SLC2A14: variants seen among roughly 807,000 people sequenced by gnomAD.
The protein encoded by SLC2A14 is solute carrier family 2, facilitated glucose transporter member 14.
A neutral mutation model predicts 43.0 loss-of-function variants in SLC2A14; 13 were observed. The ratio of observed to expected loss-of-function variants is 0.30; its 90% CI spans 0.20 to 0.48. The LOEUF (loss-of-function observed/expected upper bound fraction) is 0.48. SLC2A14 is among the 20% of genes least tolerant of loss of function. The pLI is 0.99. For synonymous variants in SLC2A14, 190 were observed against 233.8 expected (o/e 0.81, Z 1.71); for missense variants, 428 against 620.4 (o/e 0.69, Z 3.29).
chr12:7,826,814 C>CTTTT (rs1433806990), intron 7 of SLC2A14, among the ~76,000 whole-genome samples: 8 of 146,026 alleles, frequency 5.5e-5, no homozygotes, highest in Non-Finnish European at 1.2e-4. Context: ...CAGGCTCGCT[C>CTTTT]TTTTTTCTTT....
intron 2 of SLC2A14, among the ~76,000 whole-genome samples, chr12:7,854,481 G>GT (rs1402528128): frequency 2.0e-5 from 3 of 151,954 alleles, no homozygotes; most frequent in Non-Finnish European, 4.4e-5. Flanking sequence ...CTTTTCTTTT[G>GT]TTTTTTGTTT....
At position 7,842,315 on chromosome 12, in the gene SLC2A14, G is replaced by A. The variant is rs369885309; in HGVS notation, c.19-9501C>T. Among the ~76,000 whole-genome samples the A allele has an allele frequency of 5.9e-5, 9 of 152,066 alleles. No homozygotes were observed. The South Asian group carries it at 6.2e-4, about 11-fold the overall frequency. On this transcript the variant is annotated intron_variant, in intron 2 of 10. Coordinates refer to ENST00000431042, the MANE Select transcript of SLC2A14 (RefSeq NM_001286234.2). ...CATCTTGGTAAGTTTTAGCAACTAC[G>A]AATAAAACTGCTCTAAACATTCGTT... is the stretch of plus-strand genomic sequence containing the variant.
intron 1 of SLC2A14, among the ~76,000 whole-genome samples, chr12:7,880,999 C>T (rs1945560803): frequency 1.3e-5 from 2 of 152,078 alleles, no homozygotes; most frequent in Non-Finnish European, 2.9e-5. Context: ...AATTAACTGG[C>T]GTGGTGGCAG....
rs760464667 is a variant in SLC2A14 at position 7,882,866 on chromosome 12, G to C, written c.132+8130C>G. On this transcript the variant is annotated intron_variant, in intron 1 of 9. Coordinates refer to the SLC2A14 transcript ENST00000539924. ...TTTGCTTGAGACTTGTTCACCACTT[G>C]GAAGTTGTTTCTCAATTCAAGTTTA... Among the ~76,000 whole-genome samples the C allele has an allele frequency of 9.5e-4, 136 of 143,774 alleles. 1 individual carries two copies. Among genetic ancestry groups the C allele is most frequent in the African/African-American group, 3.4e-3 (133 of 39,054 alleles). 94.3% of individuals were successfully genotyped at this position (143,774 alleles called of 152,430 possible).
At chr12:7,880,894 C>T (rs1201288514) in intron 1 of SLC2A14, among the ~76,000 whole-genome samples, 1 of 151,896 alleles carries the variant, frequency 6.6e-6, no homozygotes, top group African/African-American at 2.4e-5. Flanking sequence ...AATCCCAGCA[C>T]TTTGCCAGGC....
chr12:7,876,544 CA>C (rs1945467321), upstream of SLC2A14, among the ~76,000 whole-genome samples: 1 of 151,872 alleles, frequency 6.6e-6, no homozygotes, highest in Non-Finnish European at 1.5e-5. Flanking sequence ...GAAGATTCCT[CA>C]AAAAATTAAA....
At chr12:7,851,031 G>A (rs1031548512) in intron 2 of SLC2A14, among the ~76,000 whole-genome samples, 3 of 152,152 alleles carry the variant, frequency 2.0e-5, no homozygotes, top group African/African-American at 7.2e-5. Flanking sequence ...GCTTTCTGGA[G>A]AGAAACACCC....
chr12:7,815,733 A>C (rs1290840113), intron 10 of SLC2A14, among the ~76,000 whole-genome samples: 1 of 145,160 alleles, frequency 6.9e-6, no homozygotes, highest in Non-Finnish European at 1.5e-5. Context: ...TGCACCACCA[A>C]ACCTGGCAAA....
At chr12:7,844,908 T>C (rs1392766023) in intron 2 of SLC2A14, among the ~76,000 whole-genome samples, 1 of 152,160 alleles carries the variant, frequency 6.6e-6, no homozygotes, top group Admixed American at 6.6e-5. Flanking sequence ...ATTTTAATAA[T>C]CTTTTTATCC....
chr12:7,816,618 C>T (rs2120651489), intron 10 of SLC2A14, among the ~76,000 whole-genome samples: 1 of 151,512 alleles, frequency 6.6e-6, no homozygotes, highest in East Asian at 2.0e-4. Flanking sequence ...AATCCCAGCA[C>T]TTTGGGAGGC....
upstream of SLC2A14, among the ~76,000 whole-genome samples, chr12:7,874,818 A>ATATATAAATAATATATAAATACGTATT (rs1565584749): frequency 3.2e-5 from 4 of 123,480 alleles, no homozygotes; most frequent in Admixed American, 9.3e-5. Context: ...ATACGTATTT[A>ATATATAAATAATATATAAATACGTATT]TATATAAATT....
intron 2 of SLC2A14, chr12:7,863,512 A>G (rs1944724746): frequency 4.8e-6 from 2 of 414,180 alleles, no homozygotes; most frequent in Non-Finnish European, 4.8e-6. Flanking sequence ...CTGTAGTCCC[A>G]GCTACCTGGG....
chr12:7,876,936 T>C (rs1361357814), upstream of SLC2A14, among the ~76,000 whole-genome samples: 2 of 152,164 alleles, frequency 1.3e-5, no homozygotes, highest in East Asian at 1.9e-4. Flanking sequence ...CTTATTTCAA[T>C]TAGCATGATA....
At chr12:7,885,055 G>GTA (rs1159482139) in intron 1 of SLC2A14, among the ~76,000 whole-genome samples, 1 of 152,014 alleles carries the variant, frequency 6.6e-6, no homozygotes, top group Non-Finnish European at 1.5e-5. Context: ...TTAGAATTTG[G>GTA]TATACATAGT....
At chr12:7,838,404 A>G (rs116719670) in intron 2 of SLC2A14, among the ~76,000 whole-genome samples, 2,856 of 152,214 alleles carry the variant, frequency 0.019, 82 homozygotes, top group African/African-American at 0.065. Context: ...TTTTTAAAAA[A>G]TGGAATTTGC....
At chr12:7,859,350 A>T (rs1242178597) in intron 2 of SLC2A14, among the ~76,000 whole-genome samples, 1 of 152,114 alleles carries the variant, frequency 6.6e-6, no homozygotes, top group Non-Finnish European at 1.5e-5. Context: ...AGATGGTGCC[A>T]CTGCACTCCA....
At chr12:7,814,843 A>T (rs1048172688) in intron 10 of SLC2A14, among the ~76,000 whole-genome samples, 2 of 151,942 alleles carry the variant, frequency 1.3e-5, no homozygotes, top group African/African-American at 4.8e-5. Context: ...TCTGTCACCC[A>T]GGCTGGAGCG....
chr12:7,839,711 C>A, intron 2 of SLC2A14: 2 of 382,650 alleles, frequency 5.2e-6, no homozygotes, highest in Non-Finnish European at 5.1e-6. Flanking sequence ...TATTAAGAGG[C>A]AGGACCTTTT....
intron 2 of SLC2A14, among the ~76,000 whole-genome samples, chr12:7,849,573 G>A (rs1013809968): frequency 1.3e-5 from 2 of 151,534 alleles, no homozygotes; most frequent in African/African-American, 2.4e-5. Flanking sequence ...TTTTAAAGGT[G>A]ATGAAAAAAA....
Sources: gnomAD v4.1 joint callset for allele counts (sites outside exome capture counted in the v4.1 genomes callset) on GRCh38, gnomAD v4.1.1 for gene constraint, MANE v1.5 for transcripts, NCBI Gene and HGNC (gene_info 2026-07-23, HGNC 2026-07-21) for gene names.